PRR16: variants seen among roughly 807,000 people sequenced by gnomAD.
PRR16 encodes the protein proline rich 16, also known as protein Largen.
In PRR16, 6 loss-of-function variants were observed where a neutral mutation model predicts 18.2. The ratio of observed to expected loss-of-function variants is 0.33; its 90% CI spans 0.18 to 0.65. PRR16 has a LOEUF of 0.65. Among genes scored for constraint, PRR16 ranks in the 30% least tolerant of loss-of-function variants. PRR16 has a pLI of 0.74. For missense variants in PRR16, 412 were observed against 376.6 expected (o/e 1.09, Z -0.78); for synonymous variants, 151 against 147.8 (o/e 1.02, Z -0.16).
intron 1 of PRR16, among the ~76,000 whole-genome samples, chr5:120,659,063 A>C (rs1268464457): frequency 6.6e-6 from 1 of 151,826 alleles, no homozygotes; most frequent in African/African-American, 2.4e-5. Flanking sequence ...ATGTTATATT[A>C]GTTTGATTCC....
At chr5:120,524,855 CTA>C (rs1280089227) in intron 1 of PRR16, among the ~76,000 whole-genome samples, 7 of 151,968 alleles carry the variant, frequency 4.6e-5, no homozygotes, top group African/African-American at 1.7e-4. Context: ...AGCAAATAAA[CTA>C]TTAGGTTGAA....
intron 1 of PRR16, among the ~76,000 whole-genome samples, chr5:120,668,048 G>A (rs569557979): frequency 1.2e-4 from 19 of 152,280 alleles, no homozygotes; most frequent in Admixed American, 1.2e-3. Context: ...AATGTTGACA[G>A]TGGGATGTTA....
intron 1 of PRR16, among the ~76,000 whole-genome samples, chr5:120,679,773 C>A (rs1756915516): frequency 6.6e-6 from 1 of 152,024 alleles, no homozygotes; most frequent in African/African-American, 2.4e-5. Flanking sequence ...ATTGCATGAT[C>A]TTACTTATAT....
chr5:120,690,522 A>T (rs1441650342), downstream of PRR16, among the ~76,000 whole-genome samples: 1 of 152,168 alleles, frequency 6.6e-6, no homozygotes, highest in Admixed American at 6.5e-5. Context: ...GATGATTTCT[A>T]ACTGGGGAAA....
chr5:120,758,516 G>A, the PRR16 span, among the ~76,000 whole-genome samples: 1 of 152,128 alleles, frequency 6.6e-6, no homozygotes, highest in Non-Finnish European at 1.5e-5. Flanking sequence ...ATGTAGAATT[G>A]TAATCCCCGC....
At chr5:120,738,021 T>C in the PRR16 span, among the ~76,000 whole-genome samples, 347 of 152,070 alleles carry the variant, frequency 2.3e-3, 2 homozygotes, top group African/African-American at 7.8e-3. Flanking sequence ...TCAGGAAATA[T>C]ATGAAACAAA....
the PRR16 span, among the ~76,000 whole-genome samples, chr5:120,784,913 G>A: frequency 3.3e-5 from 5 of 152,312 alleles, no homozygotes; most frequent in African/African-American, 1.2e-4. Context: ...GTTCTCAGGT[G>A]TTAGGTGTAT....
At chr5:120,634,204 G>A (rs1580811974) in intron 1 of PRR16, among the ~76,000 whole-genome samples, 1 of 152,074 alleles carries the variant, frequency 6.6e-6, no homozygotes, top group Non-Finnish European at 1.5e-5. Flanking sequence ...AATCAAGATG[G>A]AAATTAAAAA....
intron 1 of PRR16, among the ~76,000 whole-genome samples, chr5:120,655,055 T>C (rs1460350391): frequency 2.0e-5 from 3 of 151,928 alleles, no homozygotes; most frequent in Admixed American, 6.6e-5. Flanking sequence ...ACACCAATCA[T>C]AATTATTGAT....
the PRR16 span, among the ~76,000 whole-genome samples, chr5:120,767,214 C>A: frequency 6.6e-6 from 1 of 151,876 alleles, no homozygotes; most frequent in South Asian, 2.1e-4. Context: ...TCTTTAAGAG[C>A]TGTTAATAAT....
intron 1 of PRR16, among the ~76,000 whole-genome samples, chr5:120,514,260 G>T (rs1750918466): frequency 2.6e-5 from 4 of 152,108 alleles, no homozygotes; most frequent in Admixed American, 2.6e-4. Flanking sequence ...GTGGTAGCTT[G>T]CCTGGAAGTT....
At chr5:120,794,484 A>G in the PRR16 span, among the ~76,000 whole-genome samples, 1 of 152,122 alleles carries the variant, frequency 6.6e-6, no homozygotes. Flanking sequence ...TGTTATGGTA[A>G]TATGTGATTT....
chr5:120,581,493 G>C (rs976178446), intron 1 of PRR16, among the ~76,000 whole-genome samples: 1 of 151,790 alleles, frequency 6.6e-6, no homozygotes, highest in Non-Finnish European at 1.5e-5. Context: ...TGATTTTTTG[G>C]AGGTTTTTCC....
intron 1 of PRR16, among the ~76,000 whole-genome samples, chr5:120,646,114 T>A (rs954819707): frequency 6.8e-6 from 1 of 146,480 alleles, no homozygotes; most frequent in African/African-American, 2.5e-5. Context: ...TATTGAAGTG[T>A]TATTGAAATG....
chr5:120,675,162 G>C (rs1756752240), intron 1 of PRR16, among the ~76,000 whole-genome samples: 1 of 152,072 alleles, frequency 6.6e-6, no homozygotes, highest in African/African-American at 2.4e-5. Context: ...AGATGTTTTA[G>C]AATCTTCCCA....
At chr5:120,665,720 T>C (rs1756349740) in intron 1 of PRR16, among the ~76,000 whole-genome samples, 1 of 152,192 alleles carries the variant, frequency 6.6e-6, no homozygotes, top group Admixed American at 6.5e-5. Context: ...AGGGAATCCT[T>C]CCCCCATTTC....
At position 120,524,825 on chromosome 5, in the gene PRR16, C is replaced by T. The variant is rs181408831; in HGVS notation, c.159+60180C>T. 1.3e-3 allele frequency among the ~76,000 whole-genome samples: 201 copies of T among 152,080 alleles called. 2 individuals are homozygous for T. Among genetic ancestry groups the T allele is most frequent in the Admixed American group, 7.4e-3 (113 of 15,262 alleles). On this transcript the variant is annotated intron_variant, in intron 1 of 1. Coordinates refer to ENST00000407149, the MANE Select transcript of PRR16 (RefSeq NM_001300783.2). Reference sequence around the variant, plus strand: ...AATATATACACCTACTATGTACCCACACATTTTTAAAATTAAAAAAGCAAA... The same window carrying T: ...AATATATACACCTACTATGTACCCATACATTTTTAAAATTAAAAAAGCAAA...
intron 1 of PRR16, among the ~76,000 whole-genome samples, chr5:120,587,921 T>C (rs533417802): frequency 6.6e-5 from 10 of 152,338 alleles, no homozygotes; most frequent in African/African-American, 1.9e-4. Flanking sequence ...TTCACCATTA[T>C]AGATGCCATT....
the PRR16 span, among the ~76,000 whole-genome samples, chr5:120,735,996 C>G: frequency 6.6e-6 from 1 of 152,040 alleles, no homozygotes; most frequent in Non-Finnish European, 1.5e-5. Context: ...TTTGTGTACA[C>G]CATGGAAGGT....
Sources: allele counts gnomAD v4.1 joint callset (sites outside exome capture counted in the v4.1 genomes callset), GRCh38; gene constraint gnomAD v4.1.1; transcripts MANE v1.5; gene names NCBI Gene and HGNC (gene_info 2026-07-23, HGNC 2026-07-21).